The following HSPA12A variants were observed in gnomAD, a reference collection of about 807,000 sequenced individuals.
HSPA12A encodes heat shock 70 kDa protein 12A.
A neutral mutation model predicts 69.2 loss-of-function variants in HSPA12A; 28 were observed. That is an observed-to-expected ratio of 0.40 (90% CI 0.30 to 0.55). The LOEUF (loss-of-function observed/expected upper bound fraction) is 0.55. HSPA12A is among the 20% of genes least tolerant of loss of function. The pLI, the probability that HSPA12A is intolerant of heterozygous loss-of-function variation, is 0.38. For synonymous variants in HSPA12A, 345 were observed against 370.5 expected (o/e 0.93, Z 0.79); for missense variants, 686 against 900.7 (o/e 0.76, Z 3.05).
chr10:116,775,226 G>A (rs1192677023), intron 2 of HSPA12A, among the ~76,000 whole-genome samples: 1 of 152,156 alleles, frequency 6.6e-6, no homozygotes, highest in Non-Finnish European at 1.5e-5. Flanking sequence ...CTATGGATAG[G>A]GCCTCAGGAC....
intron 2 of HSPA12A, among the ~76,000 whole-genome samples, chr10:116,763,502 T>C (rs1844015403): frequency 6.6e-6 from 1 of 152,194 alleles, no homozygotes; most frequent in Admixed American, 6.5e-5. Flanking sequence ...TCTGTTTGTA[T>C]AGTGCGATAT....
At chr10:116,722,991 G>A (rs56222024) in intron 1 of HSPA12A, among the ~76,000 whole-genome samples, 44,408 of 151,902 alleles carry the variant, frequency 0.29, 8,006 homozygotes, top group South Asian at 0.53. Flanking sequence ...CAAAGGAACA[G>A]CAAGGGCAAA....
At chr10:116,740,309 C>T (rs192728872) in intron 1 of HSPA12A, among the ~76,000 whole-genome samples, 1 of 152,218 alleles carries the variant, frequency 6.6e-6, no homozygotes, top group Non-Finnish European at 1.5e-5. Context: ...AATGCACGCT[C>T]TTTTCCCAGC....
chr10:116,809,643 G>T (rs993573056), intron 2 of HSPA12A, among the ~76,000 whole-genome samples: 1 of 152,182 alleles, frequency 6.6e-6, no homozygotes, highest in Non-Finnish European at 1.5e-5. Flanking sequence ...GTCTGCGGGG[G>T]AAACCCACTC....
At position 116,679,540 on chromosome 10, in the gene HSPA12A, G is replaced by A. The variant is rs61741265; in HGVS notation, c.1249C>T (p.Arg417Cys). 53 of 1,614,062 alleles carry A rather than the reference G, an allele frequency of 3.3e-5. No individual in the cohort carries two copies. The highest frequency in any genetic ancestry group is 6.6e-5 in the South Asian group (6 of 91,088). The stretch of plus-strand genomic sequence containing the variant: ...AAGGCGTGCTCCACACTGTGCCCGC[G>A]GAACTTCTTGTAGTAGTCAATGAAG... ...FSFIDYYKKF[R>C]GHSVEHALRK... is the part of the protein sequence containing the mutation. Residue 417 changes from arginine to cysteine, a missense_variant, in exon 10 of 12, where the codon CGC (arginine) becomes TGC (cysteine). Physicochemically the swap from Arg to Cys is radical, Grantham distance 180. Transcript: ENST00000369209.
At chr10:116,781,599 G>C (rs2133136075) in intron 2 of HSPA12A, among the ~76,000 whole-genome samples, 2 of 152,298 alleles carry the variant, frequency 1.3e-5, no homozygotes, top group East Asian at 3.9e-4. Flanking sequence ...GGTTTCTCAG[G>C]AAGCCTTTTT....
At chr10:116,810,500 T>TA (rs778024549) in intron 2 of HSPA12A, among the ~76,000 whole-genome samples, 3 of 152,228 alleles carry the variant, frequency 2.0e-5, no homozygotes, top group Non-Finnish European at 4.4e-5. Context: ...TGCACTTATA[T>TA]ATACAGTTCG....
intron 2 of HSPA12A, among the ~76,000 whole-genome samples, chr10:116,803,151 C>G (rs528926677): frequency 3.0e-4 from 45 of 152,372 alleles, no homozygotes; most frequent in African/African-American, 1.0e-3. Flanking sequence ...TATTAGGGAA[C>G]TGACAGGTAG....
At chr10:116,685,249 CT>C (rs1849544962) in intron 6 of HSPA12A, among the ~76,000 whole-genome samples, 1 of 152,116 alleles carries the variant, frequency 6.6e-6, no homozygotes, top group Admixed American at 6.6e-5. Flanking sequence ...TCACAAATAA[CT>C]TCTCATCAGG....
rs1234674838 is a variant in HSPA12A, at chr10:116,701,041, C to T, written c.343G>A (p.Gly115Arg). 4 of 1,614,008 alleles carry T rather than the reference C, an allele frequency of 2.5e-6. No homozygotes were observed. The highest frequency in any genetic ancestry group is 1.1e-5 in the South Asian group (1 of 91,052). ...TGGTAAAAGTCCCTGGCGGCATACC[C>T]GAAGCTGTGGAACTTCCTCTCGGGA... Reference protein sequence around the residue: ...LTPERKFHSFGYAARDFYHDL... With the variant: ...LTPERKFHSFRYAARDFYHDL... The change falls in exon 4 of 12, where the codon GGG (glycine) becomes AGG (arginine). Residue 115 changes from glycine to arginine, a missense_variant. Gly to Arg is a moderately radical substitution (Grantham distance 125). Transcript: ENST00000369209.
At chr10:116,757,422 C>T (rs1485292701) in intron 2 of HSPA12A, among the ~76,000 whole-genome samples, 3 of 152,148 alleles carry the variant, frequency 2.0e-5, no homozygotes, top group African/African-American at 7.2e-5. Context: ...TGAGTGTACC[C>T]GTGTAGACAA....
chr10:116,712,062 G>C (rs1850450549), intron 1 of HSPA12A, among the ~76,000 whole-genome samples: 1 of 152,020 alleles, frequency 6.6e-6, no homozygotes, highest in Admixed American at 6.6e-5. Context: ...GACCTTTCTG[G>C]GGAACAGACC....
chr10:116,683,277 C>T (rs1849473384), intron 7 of HSPA12A, among the ~76,000 whole-genome samples: 1 of 152,078 alleles, frequency 6.6e-6, no homozygotes, highest in South Asian at 2.1e-4. Flanking sequence ...AAATCGCCAT[C>T]CTCAGTCTCC....
intron 2 of HSPA12A, among the ~76,000 whole-genome samples, chr10:116,818,247 C>T (rs1370830680): frequency 6.6e-6 from 1 of 152,222 alleles, no homozygotes; most frequent in African/African-American, 2.4e-5. Context: ...CAGGGACCTA[C>T]GAGCCTTGGT....
chr10:116,757,253 C>T (rs1554888859), intron 2 of HSPA12A, among the ~76,000 whole-genome samples: 1 of 152,270 alleles, frequency 6.6e-6, no homozygotes, highest in South Asian at 2.1e-4. Context: ...TGAATTGGCA[C>T]GTTAGTGTTA....
chr10:116,713,279 C>G (rs760409955), intron 1 of HSPA12A, among the ~76,000 whole-genome samples: 1 of 151,906 alleles, frequency 6.6e-6, no homozygotes, highest in Non-Finnish European at 1.5e-5. Flanking sequence ...AGCTGAACTT[C>G]CATTTCAGTA....
At chr10:116,740,571 C>T (rs1029841181) in intron 1 of HSPA12A, among the ~76,000 whole-genome samples, 1 of 151,844 alleles carries the variant, frequency 6.6e-6, no homozygotes, top group East Asian at 1.9e-4. Context: ...CGCAGAAGAG[C>T]GGTGGCAGGT....
intron 6 of HSPA12A, among the ~76,000 whole-genome samples, chr10:116,691,300 G>A (rs1201445342): frequency 1.3e-5 from 2 of 152,160 alleles, no homozygotes; most frequent in African/African-American, 2.4e-5. Context: ...CAAGCCTTCC[G>A]AGTGAGCGCT....
intron 2 of HSPA12A, among the ~76,000 whole-genome samples, chr10:116,779,273 G>A (rs2901122): frequency 0.32 from 48,784 of 152,066 alleles, 7,933 homozygotes; most frequent in South Asian, 0.39. Flanking sequence ...AAGCTGATCC[G>A]GGTGCCCACC....
Sources: gnomAD v4.1 joint callset for allele counts (sites outside exome capture counted in the v4.1 genomes callset) on GRCh38, gnomAD v4.1.1 for gene constraint, MANE v1.5 for transcripts, NCBI Gene and HGNC (gene_info 2026-07-23, HGNC 2026-07-21) for gene names.